Variants in ZNF680 observed in about 807,000 individuals in gnomAD.
The protein encoded by ZNF680 is zinc finger protein 680.
In ZNF680, 6 loss-of-function variants were observed where a neutral mutation model predicts 12.1. The ratio of observed to expected loss-of-function variants is 0.49; its 90% confidence interval spans 0.27 to 0.98. ZNF680 has a LOEUF of 0.98. Among genes scored for constraint, ZNF680 ranks in the 50% least tolerant of loss-of-function variants. The pLI is 0.12. For missense variants in ZNF680, 561 were observed against 616.3 expected, an observed-to-expected ratio of 0.91 and a Z score of 0.95; for synonymous variants, 170 against 199.3, an observed-to-expected ratio of 0.85 and a Z score of 1.24.
intron 3 of ZNF680, among the ~76,000 whole-genome samples, chr7:64,527,493 C>T (rs1791928107): frequency 6.6e-6 from 1 of 151,978 alleles, no homozygotes; most frequent in African/African-American, 2.4e-5. Context: ...GTCAGAAGTT[C>T]GAGACCAGCC....
rs760888011 is a variant in ZNF680, at chr7:64,522,222, C to T, written c.532G>A (p.Gly178Arg). 2 of 1,612,186 alleles carry T rather than the reference C, an allele frequency of 1.2e-6. No homozygotes were observed. Among genetic ancestry groups the T allele is most frequent in the Non-Finnish European group, 1.7e-6 (2 of 1,178,878 alleles). The change falls in exon 4 of 4, where the codon GGA becomes AGA. Residue 178 changes from glycine (G) to arginine (R), a missense_variant. Coordinates refer to ENST00000309683, the MANE Select transcript of ZNF680 (RefSeq NM_178558.5). ...TCTTTACATTTGAAAACCTTCTTTC[C>T]AGTATTTCTTTTCTTATGACTGTTT... Reference protein sequence around the residue: ...NSNSHKKRNTGKKVFKCKECG... With the variant: ...NSNSHKKRNTRKKVFKCKECG...
chr7:64,539,315 C>T (rs1225906194), intron 3 of ZNF680, among the ~76,000 whole-genome samples: 1 of 133,904 alleles, frequency 7.5e-6, no homozygotes, highest in African/African-American at 2.9e-5. Context: ...GGCACCACTG[C>T]GCTCCAGCCT....
At chr7:64,527,094 T>G (rs1791897925) in intron 3 of ZNF680, among the ~76,000 whole-genome samples, 1 of 151,966 alleles carries the variant, frequency 6.6e-6, no homozygotes, top group Non-Finnish European at 1.5e-5. Context: ...AAAAATTAAC[T>G]GGGTGTGGTG....
rs376623323 is a variant in ZNF680 at position 64,521,252 on chromosome 7, C to G, written c.1502G>C (p.Arg501Pro). The G allele has an allele frequency of 1.2e-6, 2 of 1,613,416 alleles. No individual in the cohort carries two copies. ...KCEECGKAFN[R>P]SSHLTRHKKI... ...CTTATGTCTAGTAAGGTGTGAGGAC[C>G]GGTTAAAAGCTTTGCCACATTCTTC... Residue 501 changes from arginine (R) to proline (P), a missense_variant, in exon 4 of 4, where the codon CGG (arginine) becomes CCG (proline). By Grantham distance (103) the Arg-to-Pro change is moderately radical. Transcript: ENST00000309683.
intron 3 of ZNF680, among the ~76,000 whole-genome samples, chr7:64,527,746 T>C (rs1257146476): frequency 6.6e-6 from 1 of 151,002 alleles, no homozygotes; most frequent in Non-Finnish European, 1.5e-5. Flanking sequence ...GGTGGGCTGA[T>C]CAGTTGATCT....
At chr7:64,531,353 T>G (rs959228280) in intron 3 of ZNF680, among the ~76,000 whole-genome samples, 17 of 152,190 alleles carry the variant, frequency 1.1e-4, no homozygotes, top group Non-Finnish European at 2.5e-4. Context: ...CCCAGCACTT[T>G]GGAAGGCTGA....
chr7:64,502,022 TGA>T, the ZNF680 span, among the ~76,000 whole-genome samples: 1 of 117,882 alleles, frequency 8.5e-6, no homozygotes, highest in Admixed American at 8.4e-5. Flanking sequence ...TTTTTTTTCC[TGA>T]GATGGAGTCT....
At chr7:64,535,153 A>T (rs1212437357) in intron 3 of ZNF680, among the ~76,000 whole-genome samples, 1 of 152,112 alleles carries the variant, frequency 6.6e-6, no homozygotes, top group Non-Finnish European at 1.5e-5. Context: ...AATAAAATTT[A>T]AAAAATAAAA....
At chr7:64,502,002 T>TC in the ZNF680 span, among the ~76,000 whole-genome samples, 1 of 100,784 alleles carries the variant, frequency 9.9e-6, no homozygotes, top group Non-Finnish European at 2.0e-5. Flanking sequence ...TATTTCTTTT[T>TC]TTTTTTTTTT....
At chr7:64,510,915 A>T in the ZNF680 span, among the ~76,000 whole-genome samples, 6 of 45,138 alleles carry the variant, frequency 1.3e-4, 1 homozygote, top group Admixed American at 4.7e-4. Context: ...GTCTCAAAAA[A>T]AAAAAATAAA....
downstream of ZNF680, among the ~76,000 whole-genome samples, chr7:64,516,007 C>G (rs1791347143): frequency 6.6e-6 from 1 of 152,062 alleles, no homozygotes; most frequent in South Asian, 2.1e-4. Flanking sequence ...TCAGCCCAAG[C>G]TTTCTAATTA....
At chr7:64,550,873 T>G (rs1787039311) in intron 1 of ZNF680, among the ~76,000 whole-genome samples, 1 of 152,212 alleles carries the variant, frequency 6.6e-6, no homozygotes, top group South Asian at 2.1e-4. Context: ...CTTATATGTT[T>G]ATGTCATGTC....
the ZNF680 span, among the ~76,000 whole-genome samples, chr7:64,501,997 C>CTTTTTTTTTTTTTTTTT: frequency 9.6e-6 from 1 of 104,526 alleles, no homozygotes; most frequent in African/African-American, 3.8e-5. Context: ...GGACGTATTT[C>CTTTTTTTTTTTTTTTTT]TTTTTTTTTT....
intron 1 of ZNF680, among the ~76,000 whole-genome samples, chr7:64,552,943 T>C (rs1787161861): frequency 1.3e-5 from 2 of 152,252 alleles, no homozygotes; most frequent in South Asian, 4.1e-4. Context: ...CTGGCCAACA[T>C]GGCAAAATCC....
At chr7:64,499,281 G>A in the ZNF680 span, among the ~76,000 whole-genome samples, 1 of 152,140 alleles carries the variant, frequency 6.6e-6, no homozygotes, top group African/African-American at 2.4e-5. Context: ...AACAGCCCTG[G>A]GGGAAATAGT....
chr7:64,515,927 G>T (rs117738702), downstream of ZNF680, among the ~76,000 whole-genome samples: 500 of 151,960 alleles, frequency 3.3e-3, 16 homozygotes, highest in East Asian at 0.088. Flanking sequence ...GCTTCTAATA[G>T]GTCCTGGGCC....
the ZNF680 span, among the ~76,000 whole-genome samples, chr7:64,500,028 A>T: frequency 6.6e-6 from 1 of 152,168 alleles, no homozygotes; most frequent in Non-Finnish European, 1.5e-5. Flanking sequence ...AGCCTCCGAT[A>T]AACTCTCCCA....
chr7:64,521,794 T>C lies in ZNF680; in HGVS notation c.960A>G (p.Lys320=), dbSNP rs745662405. Reference sequence around the variant, plus strand: ...TGCCACATTCTTCACATTTGAAGGGTTTCTCTCCAGTATGAATTCTCTTAT... The same window carrying C: ...TGCCACATTCTTCACATTTGAAGGGCTTCTCTCCAGTATGAATTCTCTTAT... ...TNHKRIHTGE[K]PFKCEECGKD... Residue 320 remains lysine, a synonymous_variant, in exon 4 of 4, where the codon AAA becomes AAG. Transcript: ENST00000309683. 2 of 1,613,164 alleles carry C rather than the reference T, an allele frequency of 1.2e-6. No individual in the cohort carries two copies. Among genetic ancestry groups the C allele is most frequent in the East Asian group, 2.2e-5 (1 of 44,822 alleles).
the ZNF680 span, among the ~76,000 whole-genome samples, chr7:64,499,601 C>CA: frequency 6.6e-6 from 1 of 152,224 alleles, no homozygotes; most frequent in East Asian, 1.9e-4. Context: ...ACCAAAAACA[C>CA]AAAAAATTAA....
Sources: gnomAD v4.1 joint callset for allele counts (sites outside exome capture counted in the v4.1 genomes callset) on GRCh38, gnomAD v4.1.1 for gene constraint, MANE v1.5 for transcripts, NCBI Gene and HGNC (gene_info 2026-07-23, HGNC 2026-07-21) for gene names.